MAMDC2: variants seen among roughly 807,000 people sequenced by gnomAD.
MAMDC2 encodes MAM domain-containing protein 2.
In MAMDC2, 57 loss-of-function variants were observed where a neutral mutation model predicts 89.8. The observed-to-expected ratio is 0.63, with a 90% CI of 0.51 to 0.79. The LOEUF is 0.79. Among genes scored for constraint, MAMDC2 ranks in the 30% least tolerant of loss-of-function variants. The probability of loss-of-function intolerance (pLI) is 0.00; values close to 1 mark genes in which losing one functional copy is unlikely to be tolerated. For synonymous variants in MAMDC2, 313 were observed against 293.4 expected (o/e 1.07, Z -0.68); for missense variants, 800 against 820.6 (o/e 0.97, Z 0.31).
At chr9:70,051,482 A>G (rs1826892120) in intron 2 of MAMDC2, among the ~76,000 whole-genome samples, 1 of 152,208 alleles carries the variant, frequency 6.6e-6, no homozygotes. Context: ...GCCTATAGTT[A>G]CCATGTTTTG....
intron 5 of MAMDC2, among the ~76,000 whole-genome samples, chr9:70,123,492 C>A (rs1219034592): frequency 6.6e-5 from 10 of 152,090 alleles, no homozygotes; most frequent in Non-Finnish European, 1.5e-5. Flanking sequence ...ACAGTGGTTT[C>A]CAGCCTGCAG....
chr9:70,218,559 G>A lies in MAMDC2; in HGVS notation c.1874G>A (p.Arg625Gln), dbSNP rs79468073. 1,696 of 1,613,844 alleles carry A rather than the reference G, an allele frequency of 1.1e-3. 21 individuals carry two copies. In the African/African-American group the frequency reaches 0.02, roughly 19 times the overall value. The change falls in exon 12 of 14, where the codon CGA (arginine) becomes CAA (glutamine). Residue 625 changes from arginine (R) to glutamine (Q), a missense_variant. Coordinates refer to ENST00000377182, the MANE Select transcript of MAMDC2 (RefSeq NM_153267.5). ...RRGEQSISWL[R>Q]ALIEYSCERQ... ...GGTGAACAGAGCATTTCCTGGCTAC[G>A]AGCACTGATTGAATACAGCTGTGAG...
At chr9:70,158,585 TTAA>T (rs1010786794) in intron 9 of MAMDC2, among the ~76,000 whole-genome samples, 11 of 151,912 alleles carry the variant, frequency 7.2e-5, no homozygotes, top group Non-Finnish European at 1.0e-4. Context: ...TGTATACATA[TTAA>T]TGTTTTCTAA....
At chr9:70,221,380 T>TATAGAGAGAGAGAGAGAGAGAG in intron 12 of MAMDC2, among the ~76,000 whole-genome samples, 3 of 7,044 alleles carry the variant, frequency 4.3e-4, no homozygotes, top group African/African-American at 1.3e-3. Context: ...TATATATATA[T>TATAGAGAGAGAGAGAGAGAGAG]AGAGAGAGAG....
intron 11 of MAMDC2, among the ~76,000 whole-genome samples, chr9:70,194,999 T>C (rs966418960): frequency 2.0e-5 from 3 of 152,106 alleles, no homozygotes; most frequent in Admixed American, 2.0e-4. Flanking sequence ...GAAAAATATA[T>C]AACCAGTACA....
chr9:70,200,641 G>A (rs1428263406), intron 11 of MAMDC2, among the ~76,000 whole-genome samples: 1 of 140,220 alleles, frequency 7.1e-6, no homozygotes, highest in Non-Finnish European at 1.5e-5. Flanking sequence ...ATTACCTTGG[G>A]CAGTATGGCC....
intron 9 of MAMDC2, among the ~76,000 whole-genome samples, chr9:70,162,909 CA>C (rs56289208): frequency 2.8e-5 from 4 of 141,094 alleles, no homozygotes; most frequent in African/African-American, 2.6e-5. Flanking sequence ...CCACCCCCCT[CA>C]AAAAAAAAAA....
At chr9:70,206,053 T>A (rs1176517876) in intron 11 of MAMDC2, among the ~76,000 whole-genome samples, 3 of 152,228 alleles carry the variant, frequency 2.0e-5, no homozygotes, top group Non-Finnish European at 4.4e-5. Flanking sequence ...GATTCATTGG[T>A]AAGTTTGTTA....
chr9:70,226,813 A>C lies in MAMDC2; in HGVS notation c.*781A>C, dbSNP rs949775824. On this transcript the variant is annotated 3_prime_UTR_variant, in exon 14 of 14. Coordinates refer to ENST00000377182, the MANE Select transcript of MAMDC2 (RefSeq NM_153267.5). ...GTGTTAAACAATTTTACTGATTTTT[A>C]TAATAAATATTTTGGTAAGATTTTG... 1 of 152,112 alleles carries C rather than the reference A, an allele frequency of 6.6e-6. No homozygotes were observed. Among genetic ancestry groups the C allele is most frequent in the African/African-American group, 2.4e-5 (1 of 41,462 alleles). The allele number at this position is 152,112 out of a possible 1,614,324, so 9.4% of individuals were successfully genotyped here.
chr9:70,111,260 G>A (rs181183418), intron 4 of MAMDC2, among the ~76,000 whole-genome samples: 4,996 of 152,278 alleles, frequency 0.033, 261 homozygotes, highest in African/African-American at 0.11. Flanking sequence ...TTCTTAGGAG[G>A]AGGAATATCC....
intron 2 of MAMDC2, among the ~76,000 whole-genome samples, chr9:70,102,297 C>T (rs1319120717): frequency 6.6e-6 from 1 of 152,100 alleles, no homozygotes; most frequent in Non-Finnish European, 1.5e-5. Context: ...TGAGTAGGGT[C>T]CACTGTACCA....
intron 11 of MAMDC2, among the ~76,000 whole-genome samples, chr9:70,205,628 A>G (rs2033208799): frequency 6.6e-6 from 1 of 152,168 alleles, no homozygotes; most frequent in African/African-American, 2.4e-5. Context: ...GTTGCTGTGC[A>G]AAGAACAGAG....
chr9:70,198,321 GAGAC>G (rs2033019592), intron 11 of MAMDC2, among the ~76,000 whole-genome samples: 2 of 151,914 alleles, frequency 1.3e-5, no homozygotes, highest in Admixed American at 1.3e-4. Flanking sequence ...TGTGGAACTT[GAGAC>G]TACAGTATTA....
chr9:70,132,531 A>ATT (rs11334981), intron 7 of MAMDC2, among the ~76,000 whole-genome samples: 1 of 145,226 alleles, frequency 6.9e-6, no homozygotes, highest in African/African-American at 2.5e-5. Context: ...GGACTAAGAA[A>ATT]TTTTTTTTTT....
intron 2 of MAMDC2, among the ~76,000 whole-genome samples, chr9:70,103,562 C>T (rs1420128372): frequency 1.3e-5 from 2 of 151,574 alleles, no homozygotes; most frequent in Non-Finnish European, 2.9e-5. Flanking sequence ...TGTAAATCTT[C>T]GTGACCTTAA....
At chr9:70,166,270 T>TAC (rs1372969228) in intron 9 of MAMDC2, among the ~76,000 whole-genome samples, 84 of 35,124 alleles carry the variant, frequency 2.4e-3, no homozygotes, top group Admixed American at 6.6e-3. Context: ...GAAATATATA[T>TAC]ATATATACAC....
chr9:70,097,568 TGCAAGA>T (rs1794303456), intron 2 of MAMDC2, among the ~76,000 whole-genome samples: 1 of 152,224 alleles, frequency 6.6e-6, no homozygotes, highest in Admixed American at 6.5e-5. Context: ...ATTTCCCCAG[TGCAAGA>T]GCCTCTTTGC....
At chr9:70,225,884 A>G in intron 13 of MAMDC2, 50 bp downstream of exon 13, 1 of 1,494,590 alleles carries the variant, frequency 6.7e-7, no homozygotes, top group South Asian at 1.2e-5. Flanking sequence ...GGACTTTGCG[A>G]TACTGTCTCA....
intron 7 of MAMDC2, among the ~76,000 whole-genome samples, chr9:70,138,274 T>C (rs1055364131): frequency 6.6e-6 from 1 of 152,248 alleles, no homozygotes; most frequent in Admixed American, 6.5e-5. Flanking sequence ...CCAGTTTGTA[T>C]GTACATATGA....
Sources: allele counts gnomAD v4.1 joint callset (sites outside exome capture counted in the v4.1 genomes callset), GRCh38; gene constraint gnomAD v4.1.1; transcripts MANE v1.5; gene names NCBI Gene and HGNC (gene_info 2026-07-23, HGNC 2026-07-21).